PRAF2: variants seen among roughly 807,000 people sequenced by gnomAD.
The protein encoded by PRAF2 is PRA1 family protein 2.
PRAF2 carries 5 observed loss-of-function variants against 9.7 expected under a neutral mutation model. The observed-to-expected ratio is 0.51, with a 90% CI of 0.27 to 1.08. PRAF2 has a LOEUF of 1.08. Ranked by LOEUF, PRAF2 falls within the 50% of genes least tolerant of loss-of-function variation. The probability of loss-of-function intolerance (pLI) is 0.12; values close to 1 mark genes in which losing one functional copy is unlikely to be tolerated. For missense variants in PRAF2, 135 were observed against 160.7 expected, an observed-to-expected ratio of 0.84 and a Z score of 0.86; for synonymous variants, 61 against 76.6, an observed-to-expected ratio of 0.80 and a Z score of 1.06.
chrX:49,072,311 G>T, intron 2 of PRAF2, 122 bp downstream of exon 2: 2 of 855,812 alleles, frequency 2.3e-6, no homozygotes, highest in Non-Finnish European at 3.3e-6. Flanking sequence ...CTTTTAGCGG[G>T]GGCGTGGCGA....
At chrX:49,072,703 GACC>G (rs1316505492) in intron 1 of PRAF2, 53 bp from the exon 2 acceptor site, 16 of 1,096,135 alleles carry the variant, frequency 1.5e-5, no homozygotes, top group East Asian at 3.3e-5. Context: ...ACGGCCTCCG[GACC>G]ACCACCCACC....
In PRAF2 at chrX:49,071,916, C is replaced by G. The variant is rs1557083164; in HGVS notation, c.490G>C (p.Gly164Arg). 1 of 1,208,498 alleles carries G rather than the reference C, an allele frequency of 8.3e-7. No homozygotes were observed. The highest frequency in any genetic ancestry group is 1.1e-6 in the Non-Finnish European group (1 of 894,597). ...ESIGLKRTPM[G>R]LLLEALGQEQ... ...TGTCCCAGTGCCTCTAGTAGCAGGCCCATTGGCGTCCGCTTGAGACCAATG... is the reference window on the plus strand; with the variant it reads ...TGTCCCAGTGCCTCTAGTAGCAGGCGCATTGGCGTCCGCTTGAGACCAATG... The change falls in exon 3 of 3, where the codon GGC (glycine) becomes CGC (arginine). Residue 164 changes from glycine (G) to arginine (R), a missense_variant. By Grantham distance (125) the Gly-to-Arg change is moderately radical. Transcript: ENST00000553851.
chrX:49,072,446 G>A lies in PRAF2; in HGVS notation c.384C>T (p.Ala128=), dbSNP rs1557083270. The A allele has an allele frequency of 8.4e-7, 1 of 1,193,583 alleles. No individual in the cohort carries two copies. The highest frequency in any genetic ancestry group is 1.8e-5 in the South Asian group (1 of 54,583). ...GGACTFLFSI[A]GPVLLILVHA... ...GTGGAGACTCACGAAGCACCGGCCC[G>A]GCGATGCTGAACAGGAAGGTGCAAG... The change falls in exon 2 of 3, where the codon GCC becomes GCT. Residue 128 remains alanine (A), a synonymous_variant. Coordinates refer to ENST00000553851, the MANE Select transcript of PRAF2 (RefSeq NM_007213.3).
At chrX:49,072,761 C>T in intron 1 of PRAF2, 111 bp from the exon 2 acceptor site, 1 of 735,946 alleles carries the variant, frequency 1.4e-6, no homozygotes, top group Non-Finnish European at 2.0e-6. Flanking sequence ...ACACTCCAGC[C>T]TGGCACATCC....
chrX:49,072,169 G>A (rs782235147), intron 2 of PRAF2, 161 bp from the exon 3 acceptor site: 26 of 731,027 alleles, frequency 3.6e-5, no homozygotes, highest in Middle Eastern at 4.7e-4. Context: ...GCTTGGCAAC[G>A]TGGGCATGGC....
At position 49,071,164 on chromosome X, in the gene PRAF2, G is replaced by T. The variant is rs782430132; in HGVS notation, c.*705C>A. ...GACTTTACCCAGGAGGCTCAAATTGGCATGAGAGATGCAACAGGCTTTATT... is the reference window on the plus strand; with the variant it reads ...GACTTTACCCAGGAGGCTCAAATTGTCATGAGAGATGCAACAGGCTTTATT... On this transcript the variant is annotated 3_prime_UTR_variant, in exon 3 of 3. Transcript: ENST00000553851. 3 of 112,710 alleles carry T rather than the reference G, an allele frequency of 2.7e-5. No individual in the cohort carries two copies. The highest frequency in any genetic ancestry group is 9.7e-5 in the African/African-American group (3 of 31,084). The allele number at this position is 112,710 out of a possible 1,213,427, so 9.3% of individuals were successfully genotyped here. A position where few individuals can be genotyped will look rare whatever the true frequency, so the allele number is the denominator to read the frequency against.
At chrX:49,072,145 T>G in intron 2 of PRAF2, 137 bp from the exon 3 acceptor site, 1 of 847,385 alleles carries the variant, frequency 1.2e-6, no homozygotes, top group Non-Finnish European at 1.6e-6. Context: ...ACTGAAAGCG[T>G]GGCCGAGTAA....
rs781798133 is a variant in PRAF2, at chrX:49,073,844, G to A, written c.144C>T (p.Tyr48=). ...CGAGGCCGATGCCGAAGCAGAGAAGGTAGTTGGTTTGGTAGTAGAGGAGGT... is the reference window on the plus strand; with the variant it reads ...CGAGGCCGATGCCGAAGCAGAGAAGATAGTTGGTTTGGTAGTAGAGGAGGT... ...INNLLYYQTN[Y]LLCFGIGLAL... Residue 48 remains tyrosine (Y), a synonymous_variant, in exon 1 of 3, where the codon TAC becomes TAT. Transcript: ENST00000553851. 5.8e-6 allele frequency: 7 copies of A among 1,212,451 alleles called. No individual in the cohort carries two copies. Among genetic ancestry groups the A allele is most frequent in the Non-Finnish European group, 7.8e-6 (7 of 895,632 alleles).
chrX:49,073,298 A>G (rs782122564), intron 1 of PRAF2, among the ~76,000 whole-genome samples: 4 of 109,920 alleles, frequency 3.6e-5, no homozygotes, highest in Admixed American at 1.9e-4. Flanking sequence ...GCGCCTTCCA[A>G]TCATAGCCAG....
chrX:49,073,464 A>G (rs954933301), intron 1 of PRAF2, among the ~76,000 whole-genome samples: 12 of 107,661 alleles, frequency 1.1e-4, no homozygotes, highest in African/African-American at 3.4e-4. Flanking sequence ...AAGTACTCTC[A>G]TGTCCCCCTT....
chrX:49,072,800 A>G (rs1230975316), intron 1 of PRAF2, 150 bp from the exon 2 acceptor site: 4 of 543,370 alleles, frequency 7.4e-6, no homozygotes, highest in Non-Finnish European at 1.2e-5. Context: ...CAGCAGGCCC[A>G]TCTGCCAGGG....
At chrX:49,072,314 C>T in intron 2 of PRAF2, 119 bp downstream of exon 2, 1 of 874,184 alleles carries the variant, frequency 1.1e-6, no homozygotes, top group Non-Finnish European at 1.6e-6. Flanking sequence ...TTAGCGGGGG[C>T]GTGGCGAGGC....
intron 2 of PRAF2, 136 bp from the exon 3 acceptor site, chrX:49,072,144 G>T: frequency 2.4e-6 from 2 of 848,806 alleles, no homozygotes; most frequent in Non-Finnish European, 3.3e-6. Flanking sequence ...TACTGAAAGC[G>T]TGGCCGAGTA....
intron 2 of PRAF2, 103 bp from the exon 3 acceptor site, chrX:49,072,111 G>A (rs1297264531): frequency 5.0e-6 from 5 of 996,529 alleles, no homozygotes; most frequent in Non-Finnish European, 6.8e-6. Context: ...CAATGGAGTG[G>A]TGAGCAGCCA....
chrX:49,073,366 C>T (rs2065018174), intron 1 of PRAF2, among the ~76,000 whole-genome samples: 1 of 110,289 alleles, frequency 9.1e-6, no homozygotes. Flanking sequence ...CCAACTTTAC[C>T]GTCTATTTCC....
Position 49,072,613 on chromosome X carries a change from C to G in PRAF2, c.217G>C (p.Val73Leu). ...AGCACGCCGAGGGCCACCGCCACTA[C>G]CAGCGCGCTCAGGAGCGTATGAAGT... Reference protein sequence around the residue: ...RPLHTLLSALVVAVALGVLVW... With the variant: ...RPLHTLLSALLVAVALGVLVW... The change falls in exon 2 of 3, where the codon GTA becomes CTA. Residue 73 changes from valine (V) to leucine (L), a missense_variant. Val to Leu is a conservative substitution (Grantham distance 32, BLOSUM62 1). Coordinates refer to ENST00000553851, the MANE Select transcript of PRAF2 (RefSeq NM_007213.3). 4 of 1,165,462 alleles carry G rather than the reference C, an allele frequency of 3.4e-6. No individual in the cohort carries two copies. Among genetic ancestry groups the G allele is most frequent in the Non-Finnish European group, 4.6e-6 (4 of 872,706 alleles).
In PRAF2 at chrX:49,073,999, A is replaced by C. The variant is rs781947684; in HGVS notation, c.-12T>G. The C allele has an allele frequency of 3.4e-6, 4 of 1,188,955 alleles. No individual in the cohort carries two copies. Among genetic ancestry groups the C allele is most frequent in the Non-Finnish European group, 4.5e-6 (4 of 885,119 alleles). On this transcript the variant is annotated 5_prime_UTR_variant, in exon 1 of 3. Coordinates refer to ENST00000553851, the MANE Select transcript of PRAF2 (RefSeq NM_007213.3). ...CGCACCTCCGACATCCTGCCGGTTA[A>C]TGTGGCTGGACCAGCCAGGAGGGGG...
chrX:49,072,277 G>A (rs2065013807), intron 2 of PRAF2, 156 bp downstream of exon 2: 5 of 678,837 alleles, frequency 7.4e-6, no homozygotes, highest in African/African-American at 2.2e-5. Context: ...GTTCCCAGAA[G>A]GGGGAACGAA....
At chrX:49,073,574 C>T (rs1213692704) in intron 1 of PRAF2, among the ~76,000 whole-genome samples, 3 of 110,217 alleles carry the variant, frequency 2.7e-5, no homozygotes, top group African/African-American at 1.0e-4. Context: ...AGACCCCCAT[C>T]CCCCGCAGGC....
Sources: allele counts gnomAD v4.1 joint callset (sites outside exome capture counted in the v4.1 genomes callset), GRCh38; gene constraint gnomAD v4.1.1; transcripts MANE v1.5; gene names NCBI Gene and HGNC (gene_info 2026-07-23, HGNC 2026-07-21).